The following SAMD5 variants were observed in gnomAD, a reference collection of about 807,000 sequenced individuals.
SAMD5 encodes sterile alpha motif domain-containing protein 5.
A neutral mutation model predicts 11.3 loss-of-function variants in SAMD5; 13 were observed. The ratio of observed to expected loss-of-function variants is 1.15; its 90% CI spans 0.75 to 1.83. The LOEUF (loss-of-function observed/expected upper bound fraction) is 1.83. Among genes scored for constraint, SAMD5 ranks in the 40% most tolerant of loss-of-function variants. The pLI is 0.00. For missense variants in SAMD5, 255 were observed against 239.1 expected (o/e 1.07, Z -0.44); for synonymous variants, 129 against 111.3 (o/e 1.16, Z -1.00).
intron 1 of SAMD5, among the ~76,000 whole-genome samples, chr6:147,534,510 C>A (rs1211560038): frequency 6.6e-6 from 1 of 152,088 alleles, no homozygotes; most frequent in Non-Finnish European, 1.5e-5. Context: ...GTGCGGGAGA[C>A]CAGAGTTTTA....
At chr6:147,604,587 A>C (rs969900809) in intron 1 of SAMD5, among the ~76,000 whole-genome samples, 1 of 152,242 alleles carries the variant, frequency 6.6e-6, no homozygotes, top group Non-Finnish European at 1.5e-5. Context: ...GTTTTCAAGA[A>C]TGCAACTAGT....
the SAMD5 span, among the ~76,000 whole-genome samples, chr6:147,751,793 C>T: frequency 6.6e-6 from 1 of 151,884 alleles, no homozygotes; most frequent in Admixed American, 6.6e-5. Context: ...TTTCTTTATT[C>T]TTTTTTTGGA....
the SAMD5 span, among the ~76,000 whole-genome samples, chr6:147,906,998 C>T: frequency 6.6e-6 from 1 of 152,178 alleles, no homozygotes; most frequent in Admixed American, 6.5e-5. Flanking sequence ...TTTTACAGAA[C>T]ATTTTGATGC....
chr6:147,565,493 C>G lies in SAMD5; in HGVS notation c.*1037C>G, dbSNP rs562055138. 9.3e-5 allele frequency: 86 copies of G among 924,284 alleles called. No individual in the cohort carries two copies. In the South Asian group the frequency reaches 3.3e-3, roughly 35 times the overall value. The allele number at this position is 924,284 out of a possible 1,614,324, so 57.3% of individuals were successfully genotyped here. On this transcript the variant is annotated 3_prime_UTR_variant, in exon 2 of 2. Coordinates refer to ENST00000367474, the MANE Select transcript of SAMD5 (RefSeq NM_001030060.3). ...TTTTTTTTTTAGACAGAGTCTCGCTCTGTCACCCAGGCTGGAGTGTAGTGG... is the reference window on the plus strand; with the variant it reads ...TTTTTTTTTTAGACAGAGTCTCGCTGTGTCACCCAGGCTGGAGTGTAGTGG...
At chr6:147,766,286 A>G in the SAMD5 span, among the ~76,000 whole-genome samples, 4 of 152,262 alleles carry the variant, frequency 2.6e-5, no homozygotes, top group East Asian at 7.7e-4. Context: ...ATCAGACATA[A>G]TGAAGAAAAA....
chr6:147,622,553 T>C (rs1417127995), intron 1 of SAMD5, among the ~76,000 whole-genome samples: 1 of 152,104 alleles, frequency 6.6e-6, no homozygotes, highest in African/African-American at 2.4e-5. Context: ...AGAAGCCAAG[T>C]GTAGGAAGCT....
intron 1 of SAMD5, among the ~76,000 whole-genome samples, chr6:147,733,319 G>A (rs1791744658): frequency 6.6e-6 from 1 of 152,206 alleles, no homozygotes; most frequent in South Asian, 2.1e-4. Context: ...TACTTGGGTA[G>A]TGTATTTGTG....
At chr6:147,776,961 G>T in the SAMD5 span, among the ~76,000 whole-genome samples, 1 of 152,150 alleles carries the variant, frequency 6.6e-6, no homozygotes, top group Non-Finnish European at 1.5e-5. Flanking sequence ...AACCTGCATT[G>T]TAGATATGCC....
chr6:147,848,518 A>G, the SAMD5 span, among the ~76,000 whole-genome samples: 11 of 152,302 alleles, frequency 7.2e-5, 1 homozygote, highest in South Asian at 2.1e-4. Flanking sequence ...CAATATCCTC[A>G]ATTTAAAAAT....
At chr6:147,684,938 T>C (rs1184174789) in intron 1 of SAMD5, among the ~76,000 whole-genome samples, 1 of 152,188 alleles carries the variant, frequency 6.6e-6, no homozygotes, top group South Asian at 2.1e-4. Context: ...CTAAATCTTA[T>C]TTAGTTCACT....
chr6:147,856,333 G>A, the SAMD5 span, among the ~76,000 whole-genome samples: 1 of 152,138 alleles, frequency 6.6e-6, no homozygotes, highest in Non-Finnish European at 1.5e-5. Flanking sequence ...GGAGAATGAT[G>A]AAAGTTGGGG....
At chr6:147,887,253 C>T in the SAMD5 span, among the ~76,000 whole-genome samples, 1 of 152,212 alleles carries the variant, frequency 6.6e-6, no homozygotes, top group Non-Finnish European at 1.5e-5. Flanking sequence ...ACACACACAA[C>T]TGTGAAGCCA....
intron 1 of SAMD5, among the ~76,000 whole-genome samples, chr6:147,619,637 G>T (rs1023136987): frequency 6.6e-6 from 1 of 152,236 alleles, no homozygotes; most frequent in Non-Finnish European, 1.5e-5. Flanking sequence ...CTAAGAGTGA[G>T]GAAGAGCTGG....
chr6:147,734,799 A>G (rs1791771870), intron 1 of SAMD5, among the ~76,000 whole-genome samples: 1 of 151,554 alleles, frequency 6.6e-6, no homozygotes, highest in Non-Finnish European at 1.5e-5. Context: ...AAAGGCACAC[A>G]TAGATACTCA....
the SAMD5 span, among the ~76,000 whole-genome samples, chr6:147,820,734 G>C: frequency 6.6e-6 from 1 of 152,206 alleles, no homozygotes; most frequent in Non-Finnish European, 1.5e-5. Context: ...TGTCTGACCT[G>C]TGCTCTGTGC....
At chr6:147,936,812 C>A in the SAMD5 span, among the ~76,000 whole-genome samples, 3 of 152,018 alleles carry the variant, frequency 2.0e-5, no homozygotes, top group Non-Finnish European at 2.9e-5. Context: ...AGCTTTCATG[C>A]CAAAAGAAGT....
the SAMD5 span, among the ~76,000 whole-genome samples, chr6:147,896,419 G>A: frequency 6.6e-6 from 1 of 152,028 alleles, no homozygotes; most frequent in South Asian, 2.1e-4. Flanking sequence ...TCTGCCTGTG[G>A]ACTTGAAGGA....
rs1789041979 is a variant in SAMD5 at position 147,566,408 on chromosome 6, T to G, written c.*1952T>G. On this transcript the variant is annotated 3_prime_UTR_variant, in exon 2 of 2. Coordinates refer to ENST00000367474, the MANE Select transcript of SAMD5 (RefSeq NM_001030060.3). ...TTGTGATAACAAATGGCTTCCTGTT[T>G]GACCTCATTTCCAGGTGTCGCATCC... is the stretch of plus-strand genomic sequence containing the variant. 2 of 985,180 alleles carry G rather than the reference T, an allele frequency of 2.0e-6. No homozygotes were observed. Among genetic ancestry groups the G allele is most frequent in the South Asian group, 9.4e-5 (2 of 21,274 alleles). The allele number at this position is 985,180 out of a possible 1,614,324, so 61.0% of individuals were successfully genotyped here.
At chr6:147,846,962 T>G in the SAMD5 span, among the ~76,000 whole-genome samples, 2 of 152,238 alleles carry the variant, frequency 1.3e-5, no homozygotes, top group African/African-American at 4.8e-5. Context: ...TAAGTCCCTG[T>G]TATAAATGAA....
Sources: gnomAD v4.1 joint callset for allele counts (sites outside exome capture counted in the v4.1 genomes callset) on GRCh38, gnomAD v4.1.1 for gene constraint, MANE v1.5 for transcripts, NCBI Gene and HGNC (gene_info 2026-07-23, HGNC 2026-07-21) for gene names.